CSTPP1: variants seen among roughly 807,000 people sequenced by gnomAD.
CSTPP1 encodes the protein UPF0705 protein C11orf49.
the CSTPP1 span, among the ~76,000 whole-genome samples, chr11:46,958,220 G>A: frequency 6.6e-6 from 1 of 152,008 alleles, no homozygotes; most frequent in South Asian, 2.1e-4. Flanking sequence ...GGCTGGTCTT[G>A]AACTCCTGGC....
the CSTPP1 span, among the ~76,000 whole-genome samples, chr11:47,031,854 C>T: frequency 6.6e-6 from 1 of 151,952 alleles, no homozygotes; most frequent in Non-Finnish European, 1.5e-5. Flanking sequence ...CACAAGGTCC[C>T]ACAATAGGCC....
the CSTPP1 span, chr11:47,161,183 G>C: frequency 6.2e-7 from 1 of 1,614,226 alleles, no homozygotes; most frequent in African/African-American, 1.3e-5. Context: ...TGAAGAGCTG[G>C]AACGGCTGTA....
At chr11:46,952,883 A>G in the CSTPP1 span, among the ~76,000 whole-genome samples, 1 of 152,298 alleles carries the variant, frequency 6.6e-6, no homozygotes, top group Non-Finnish European at 1.5e-5. Context: ...TTTGCTGCTA[A>G]ATAATTTTAT....
the CSTPP1 span, among the ~76,000 whole-genome samples, chr11:47,082,149 C>CAAAAAAA: frequency 1.2e-5 from 1 of 83,256 alleles, no homozygotes. Context: ...GACCCTGTCT[C>CAAAAAAA]AAAAAAAAAA....
At chr11:47,017,887 C>T in the CSTPP1 span, among the ~76,000 whole-genome samples, 5 of 151,828 alleles carry the variant, frequency 3.3e-5, no homozygotes, top group African/African-American at 4.8e-5. Context: ...AGGCTGGTCT[C>T]GAACTCCTGG....
the CSTPP1 span, among the ~76,000 whole-genome samples, chr11:47,080,732 G>A: frequency 6.6e-6 from 1 of 152,068 alleles, no homozygotes; most frequent in African/African-American, 2.4e-5. Flanking sequence ...ATAAGGGCCA[G>A]GTGCAGTGGC....
At chr11:46,991,749 A>AT in the CSTPP1 span, 323 of 151,450 alleles carry the variant, frequency 2.1e-3, no homozygotes, top group African/African-American at 7.5e-3. Context: ...CATCATTTAA[A>AT]TTTTTTTTTG....
the CSTPP1 span, among the ~76,000 whole-genome samples, chr11:46,942,254 T>G: frequency 6.6e-6 from 1 of 152,232 alleles, no homozygotes; most frequent in South Asian, 2.1e-4. Context: ...AGACCCTCTC[T>G]GTAGGACCCG....
At chr11:46,939,040 G>T in the CSTPP1 span, among the ~76,000 whole-genome samples, 1 of 141,062 alleles carries the variant, frequency 7.1e-6, no homozygotes, top group Non-Finnish European at 1.5e-5. Context: ...GCCTTCCAAA[G>T]TACTGAGATT....
the CSTPP1 span, among the ~76,000 whole-genome samples, chr11:46,950,235 G>A: frequency 5.7e-4 from 84 of 148,062 alleles, no homozygotes; most frequent in Non-Finnish European, 1.0e-3. Context: ...GTGCAGTGGC[G>A]TGATCTTGGC....
At chr11:46,979,688 G>A in the CSTPP1 span, among the ~76,000 whole-genome samples, 2 of 152,136 alleles carry the variant, frequency 1.3e-5, no homozygotes, top group East Asian at 1.9e-4. Flanking sequence ...CAAGGCAGGC[G>A]GATCACCTGA....
chr11:46,964,442 C>T, the CSTPP1 span, among the ~76,000 whole-genome samples: 2 of 152,120 alleles, frequency 1.3e-5, no homozygotes, highest in East Asian at 1.9e-4. Context: ...CCCGCCTCCA[C>T]GCCTGACTAA....
chr11:47,155,449 A>G, the CSTPP1 span: 1 of 620,880 alleles, frequency 1.6e-6, no homozygotes, highest in African/African-American at 1.8e-5. Context: ...CAGTCTGCAG[A>G]GCCGACTTCC....
chr11:47,117,649 T>C, the CSTPP1 span, among the ~76,000 whole-genome samples: 1 of 152,174 alleles, frequency 6.6e-6, no homozygotes, highest in East Asian at 1.9e-4. Context: ...TGGTGGTGTC[T>C]GTATTTCCTG....
the CSTPP1 span, among the ~76,000 whole-genome samples, chr11:47,006,782 G>A: frequency 6.8e-6 from 1 of 146,352 alleles, no homozygotes; most frequent in African/African-American, 2.5e-5. Context: ...TTTAGAGATA[G>A]GGTCTTGCCA....
the CSTPP1 span, among the ~76,000 whole-genome samples, chr11:47,115,798 T>G: frequency 6.6e-6 from 1 of 152,084 alleles, no homozygotes; most frequent in African/African-American, 2.4e-5. Context: ...TTTGTAGGGT[T>G]TTTTGTGTCT....
chr11:47,114,540 C>T, the CSTPP1 span, among the ~76,000 whole-genome samples: 2 of 152,084 alleles, frequency 1.3e-5, no homozygotes, highest in African/African-American at 4.8e-5. Flanking sequence ...TTGAAGAGGT[C>T]CTTCACATCC....
At chr11:46,950,256 C>T in the CSTPP1 span, among the ~76,000 whole-genome samples, 1 of 150,698 alleles carries the variant, frequency 6.6e-6, no homozygotes. Context: ...TCACTGCAAG[C>T]TCCGCCTCCC....
chr11:46,955,848 T>C, the CSTPP1 span, among the ~76,000 whole-genome samples: 372 of 151,876 alleles, frequency 2.4e-3, 5 homozygotes, highest in Middle Eastern at 0.01. Flanking sequence ...AAAAATTAGC[T>C]GGGCGCGGCG....
Sources: gnomAD v4.1 joint callset for allele counts (sites outside exome capture counted in the v4.1 genomes callset) on GRCh38, gnomAD v4.1.1 for gene constraint, MANE v1.5 for transcripts, NCBI Gene and HGNC (gene_info 2026-07-23, HGNC 2026-07-21) for gene names.